The following CERT1 variants were observed in gnomAD, a reference collection of about 807,000 sequenced individuals.
The protein encoded by CERT1 is ceramide transporter 1.
Under a neutral mutation model 87.9 loss-of-function variants are expected in CERT1, and 31 were observed. The ratio of observed to expected loss-of-function variants is 0.35; its 90% CI spans 0.27 to 0.48. The LOEUF is 0.48. CERT1 is among the 20% of genes least tolerant of loss of function. The pLI is 0.99. For missense variants in CERT1, 487 were observed against 758.0 expected, an observed-to-expected ratio of 0.64 and a Z score of 4.20; for synonymous variants, 289 against 250.9, an observed-to-expected ratio of 1.15 and a Z score of -1.44.
intron 9 of CERT1, chr5:75,402,737 T>C: frequency 3.6e-6 from 1 of 274,322 alleles, no homozygotes; most frequent in Non-Finnish European, 7.0e-6. Context: ...GAGGTGGAAG[T>C]TGCAGTAAGC....
intron 3 of CERT1, among the ~76,000 whole-genome samples, chr5:75,458,206 T>C (rs1258314660): frequency 6.6e-6 from 1 of 152,214 alleles, no homozygotes; most frequent in Admixed American, 6.5e-5. Context: ...TTCTTTAGTC[T>C]ACTTAATATT....
chr5:75,479,542 T>C (rs1362882922), intron 2 of CERT1, among the ~76,000 whole-genome samples: 19 of 152,188 alleles, frequency 1.2e-4, no homozygotes, highest in Non-Finnish European at 2.9e-5. Context: ...AATGAGAACA[T>C]GTGGTACTCT....
intron 14 of CERT1, among the ~76,000 whole-genome samples, chr5:75,383,487 GATTA>G (rs763203454): frequency 6.6e-6 from 1 of 151,976 alleles, no homozygotes; most frequent in Non-Finnish European, 1.5e-5. Context: ...ATTATAGGGT[GATTA>G]ATTAATATTC....
At chr5:75,447,173 C>T (rs1033347673) in intron 3 of CERT1, among the ~76,000 whole-genome samples, 8 of 152,188 alleles carry the variant, frequency 5.3e-5, no homozygotes, top group Non-Finnish European at 1.2e-4. Flanking sequence ...CCGAAATTAA[C>T]AGCAATTTAC....
At chr5:75,469,513 A>G (rs922962701) in intron 2 of CERT1, among the ~76,000 whole-genome samples, 1 of 152,120 alleles carries the variant, frequency 6.6e-6, no homozygotes, top group African/African-American at 2.4e-5. Flanking sequence ...GTGTAGTAAA[A>G]AGAGTTTATT....
chr5:75,501,745 GGTTA>G (rs1767380814), intron 2 of CERT1, among the ~76,000 whole-genome samples: 2 of 152,066 alleles, frequency 1.3e-5, no homozygotes, highest in East Asian at 3.9e-4. Flanking sequence ...CTTGGAAAAA[GGTTA>G]GTTATTTAAT....
In CERT1 at chr5:75,389,636, C is replaced by T; in HGVS notation, c.1240G>A (p.Gly414Arg). 6.2e-7 allele frequency: 1 copy of T among 1,614,066 alleles called. No homozygotes were observed. The highest frequency in any genetic ancestry group is 8.5e-7 in the Non-Finnish European group (1 of 1,179,978). ...HMTYSLQDVG[G>R]DANWQLVVEE... Reference sequence around the variant, plus strand: ...ACAACCAACTGCCAATTGGCATCTCCGCCTACATCCTGTAATGAGTAAGTC... The same window carrying T: ...ACAACCAACTGCCAATTGGCATCTCTGCCTACATCCTGTAATGAGTAAGTC... Residue 414 changes from glycine (G) to arginine (R), a missense_variant, in exon 12 of 17, where the codon GGA becomes AGA. Gly to Arg is a moderately radical substitution (Grantham distance 125). This residue lies in a region of CERT1 where 147 missense variants were observed against 200.8 expected (regional missense o/e 0.73). Coordinates refer to ENST00000643780, the MANE Select transcript of CERT1 (RefSeq NM_001379029.1).
In CERT1 at chr5:75,382,089, T is replaced by C. The variant is rs1312156172; in HGVS notation, c.1489-12A>G. The C allele has an allele frequency of 1.2e-6, 2 of 1,606,014 alleles. No homozygotes were observed. The highest frequency in any genetic ancestry group is 2.2e-5 in the South Asian group (2 of 90,156). Reference sequence around the variant, plus strand: ...GCAGGCCACACCCTCTGTGGAGAAGTAAAAATCTTTTGAAAAACAGATCTA... The same window carrying C: ...GCAGGCCACACCCTCTGTGGAGAAGCAAAAATCTTTTGAAAAACAGATCTA... On this transcript the variant is annotated splice_polypyrimidine_tract_variant and intron_variant, in intron 14 of 16. Coordinates refer to ENST00000643780, the MANE Select transcript of CERT1 (RefSeq NM_001379029.1).
At chr5:75,493,831 CCTATTTA>C (rs2112436306) in intron 2 of CERT1, among the ~76,000 whole-genome samples, 1 of 152,192 alleles carries the variant, frequency 6.6e-6, no homozygotes, top group Admixed American at 6.5e-5. Context: ...TTACCTATGT[CCTATTTA>C]CTACCTTTAA....
downstream of CERT1, chr5:75,374,115 G>A (rs1006820787): frequency 2.0e-5 from 8 of 394,860 alleles, no homozygotes; most frequent in Admixed American, 1.8e-4. Context: ...TAGATCCTAC[G>A]TTCCAGCTTA....
chr5:75,400,280 C>T lies in CERT1; in HGVS notation c.1035G>A (p.Val345=). 6.2e-7 allele frequency: 1 copy of T among 1,612,620 alleles called. No homozygotes were observed. The highest frequency in any genetic ancestry group is 8.5e-7 in the Non-Finnish European group (1 of 1,178,724). ...GCAAGGATGTAGGCCAATGTAATCT[C>T]ACCTTTTCACTCTGTGACTAAAAAA... ...KIEEQSQSEK[V]RLHWPTSLPS... Residue 345 remains valine, a synonymous_variant, in exon 10 of 17, where the codon GTG becomes GTA. Coordinates refer to ENST00000643780, the MANE Select transcript of CERT1 (RefSeq NM_001379029.1).
intron 2 of CERT1, among the ~76,000 whole-genome samples, chr5:75,461,898 T>A (rs763775082): frequency 1.3e-5 from 2 of 151,872 alleles, no homozygotes; most frequent in East Asian, 3.9e-4. Flanking sequence ...GGATGTATTA[T>A]GCAATAAAGC....
At position 75,445,220 on chromosome 5, in the gene CERT1, T is replaced by C. The variant is rs139488631; in HGVS notation, c.348+13845A>G. 1.4e-3 allele frequency among the ~76,000 whole-genome samples: 220 copies of C among 152,376 alleles called. 6 individuals carry two copies. The East Asian group carries it at 0.034, about 23-fold the overall frequency. ...AAACATGTATCATTTTCTTAAATCATGTAGAAAACAAAAAGCAGAATTACA... is the reference window on the plus strand; with the variant it reads ...AAACATGTATCATTTTCTTAAATCACGTAGAAAACAAAAAGCAGAATTACA... On this transcript the variant is annotated intron_variant, in intron 3 of 16. Transcript: ENST00000643780.
At position 75,444,039 on chromosome 5, in the gene CERT1, C is replaced by A. The variant is rs138219764; in HGVS notation, c.348+15026G>T. 2.1e-3 allele frequency among the ~76,000 whole-genome samples: 317 copies of A among 152,228 alleles called. 1 individual carries two copies. The East Asian group carries it at 0.027, about 13-fold the overall frequency. ...CAATCTGTTTGTTGTCTTTGGATCTCAAGTGTCATATAGACAGCATATAGT... is the reference window on the plus strand; with the variant it reads ...CAATCTGTTTGTTGTCTTTGGATCTAAAGTGTCATATAGACAGCATATAGT... On this transcript the variant is annotated intron_variant, in intron 3 of 16. Transcript: ENST00000643780.
upstream of CERT1, chr5:75,511,819 G>A (rs768787922): frequency 6.4e-6 from 10 of 1,551,274 alleles, no homozygotes; most frequent in African/African-American, 8.2e-5. Flanking sequence ...AGGAGAGGGC[G>A]GGGTAGGGAT....
chr5:75,473,132 G>A (rs1280426360), intron 2 of CERT1, among the ~76,000 whole-genome samples: 2 of 152,120 alleles, frequency 1.3e-5, no homozygotes, highest in East Asian at 1.9e-4. Flanking sequence ...CCAGGCTGGA[G>A]AGCAGTGGCA....
intron 2 of CERT1, among the ~76,000 whole-genome samples, chr5:75,473,261 T>C (rs1765797468): frequency 6.6e-6 from 1 of 152,132 alleles, no homozygotes; most frequent in Non-Finnish European, 1.5e-5. Context: ...TTTAAATTTT[T>C]TGTAGGGACA....
chr5:75,484,417 T>C (rs1359674386), intron 2 of CERT1, among the ~76,000 whole-genome samples: 9 of 148,304 alleles, frequency 6.1e-5, no homozygotes, highest in Non-Finnish European at 1.2e-4. Context: ...TATGAATGTA[T>C]ATGGACTAAA....
downstream of CERT1, chr5:75,372,910 A>G (rs1052950269): frequency 6.6e-6 from 1 of 152,266 alleles, no homozygotes; most frequent in African/African-American, 2.4e-5. Context: ...TCTGATTTGT[A>G]TAAATACACT....
Sources: allele counts gnomAD v4.1 joint callset (sites outside exome capture counted in the v4.1 genomes callset), GRCh38; gene constraint gnomAD v4.1.1; regional missense constraint gnomAD v4.1.1; transcripts MANE v1.5; gene names NCBI Gene and HGNC (gene_info 2026-07-23, HGNC 2026-07-21).